ZNF804A: variants seen among roughly 807,000 people sequenced by gnomAD.
ZNF804A encodes zinc finger protein 804A.
Under a neutral mutation model 16.5 loss-of-function variants are expected in ZNF804A, and 2 were observed. The ratio of observed to expected loss-of-function variants is 0.12; its 90% CI spans 0.05 to 0.38. The LOEUF (loss-of-function observed/expected upper bound fraction) is 0.38, where lower values mean the gene tolerates loss of function less well. ZNF804A is among the 10% of genes least tolerant of loss of function. ZNF804A has a pLI of 0.99. For synonymous variants in ZNF804A, 534 were observed against 489.6 expected, an observed-to-expected ratio of 1.09 and a Z score of -1.20; for missense variants, 1,473 against 1,390.7, an observed-to-expected ratio of 1.06 and a Z score of -0.94.
intron 2 of ZNF804A, among the ~76,000 whole-genome samples, chr2:184,912,197 T>G (rs1685369090): frequency 6.6e-6 from 1 of 152,078 alleles, no homozygotes; most frequent in Admixed American, 6.6e-5. Flanking sequence ...TTTTTCTGTC[T>G]CTATTGATTT....
At chr2:184,718,610 G>A (rs967457675) in intron 1 of ZNF804A, among the ~76,000 whole-genome samples, 4 of 152,256 alleles carry the variant, frequency 2.6e-5, no homozygotes, top group African/African-American at 9.6e-5. Flanking sequence ...AAACAAAGGT[G>A]CTACAGGCTC....
At chr2:184,651,927 A>G (rs1185044358) in intron 1 of ZNF804A, among the ~76,000 whole-genome samples, 2 of 152,174 alleles carry the variant, frequency 1.3e-5, no homozygotes, top group East Asian at 1.9e-4. Flanking sequence ...CGACTCAGCA[A>G]TCTCATTACT....
chr2:184,619,665 A>G (rs540543371), intron 1 of ZNF804A, among the ~76,000 whole-genome samples: 1 of 151,994 alleles, frequency 6.6e-6, no homozygotes, highest in Non-Finnish European at 1.5e-5. Flanking sequence ...CATTTTATGG[A>G]TGAAAAACTC....
intron 2 of ZNF804A, among the ~76,000 whole-genome samples, chr2:184,922,980 C>G (rs921480977): frequency 2.0e-5 from 3 of 151,994 alleles, no homozygotes; most frequent in Non-Finnish European, 4.4e-5. Context: ...TAATTTAAGC[C>G]AAGTAATGTG....
In ZNF804A at chr2:184,746,050, AT is replaced by A. The variant is rs900963164; in HGVS notation, c.112-120311del. Among the ~76,000 whole-genome samples the A allele has an allele frequency of 2.6e-4, 39 of 151,366 alleles. 1 individual carries two copies. The East Asian group carries it at 2.9e-3, about 11-fold the overall frequency. ...AAGGATCATGAATCAAAAAGCACGC[AT>A]TTTTTTTCACATTTTTCCAATCTTT... On this transcript the variant is annotated intron_variant, in intron 1 of 3. Transcript: ENST00000302277.
chr2:184,916,888 GA>G (rs928106907), intron 2 of ZNF804A, among the ~76,000 whole-genome samples: 17 of 149,794 alleles, frequency 1.1e-4, no homozygotes, highest in East Asian at 9.8e-4. Flanking sequence ...AACAGAAAAA[GA>G]AAAAAAAATG....
At chr2:184,827,641 C>G (rs1466042764) in intron 1 of ZNF804A, among the ~76,000 whole-genome samples, 1 of 151,018 alleles carries the variant, frequency 6.6e-6, no homozygotes, top group Non-Finnish European at 1.5e-5. Context: ...TTTGCATGTT[C>G]TAGATGTTCA....
intron 1 of ZNF804A, among the ~76,000 whole-genome samples, chr2:184,756,204 C>T (rs1000699136): frequency 6.6e-6 from 1 of 151,540 alleles, no homozygotes; most frequent in Non-Finnish European, 1.5e-5. Flanking sequence ...GGTGTGTTCT[C>T]ATTATTTAAA....
At chr2:184,762,432 A>T (rs936824286) in intron 1 of ZNF804A, among the ~76,000 whole-genome samples, 1 of 151,964 alleles carries the variant, frequency 6.6e-6, no homozygotes, top group Non-Finnish European at 1.5e-5. Flanking sequence ...TCTTTCAAGA[A>T]GAATTATGTA....
At chr2:184,856,583 A>G (rs1442854316) in intron 1 of ZNF804A, among the ~76,000 whole-genome samples, 1 of 152,096 alleles carries the variant, frequency 6.6e-6, no homozygotes, top group African/African-American at 2.4e-5. Flanking sequence ...ATGATTGTTT[A>G]TCAGTTGCGT....
intron 1 of ZNF804A, among the ~76,000 whole-genome samples, chr2:184,751,552 G>A (rs13410453): frequency 7.3e-5 from 11 of 151,084 alleles, no homozygotes; most frequent in African/African-American, 2.4e-4. Flanking sequence ...TACATTCAAA[G>A]GAAACACTAT....
intron 1 of ZNF804A, among the ~76,000 whole-genome samples, chr2:184,607,709 T>A (rs1394648741): frequency 6.6e-6 from 1 of 152,126 alleles, no homozygotes; most frequent in Non-Finnish European, 1.5e-5. Context: ...TTATACTTTG[T>A]TAGCCTGAAT....
At chr2:184,662,209 A>G (rs1395859027) in intron 1 of ZNF804A, among the ~76,000 whole-genome samples, 1 of 152,228 alleles carries the variant, frequency 6.6e-6, no homozygotes, top group Non-Finnish European at 1.5e-5. Flanking sequence ...AAATAGCAAC[A>G]TTACCTGTTG....
chr2:184,927,644 G>A (rs1685631401), intron 2 of ZNF804A, among the ~76,000 whole-genome samples: 1 of 152,152 alleles, frequency 6.6e-6, no homozygotes. Context: ...AACTTTAGAA[G>A]TCTACCTGGT....
chr2:184,799,993 T>C (rs1279492945), intron 1 of ZNF804A, among the ~76,000 whole-genome samples: 2 of 152,194 alleles, frequency 1.3e-5, no homozygotes, highest in Non-Finnish European at 2.9e-5. Flanking sequence ...ATGATCTATT[T>C]TTTTTCTTTT....
intron 1 of ZNF804A, among the ~76,000 whole-genome samples, chr2:184,676,973 G>A (rs1692446888): frequency 6.6e-6 from 1 of 151,688 alleles, no homozygotes; most frequent in Non-Finnish European, 1.5e-5. Flanking sequence ...TTGTTTGAAA[G>A]TATTATTCAG....
intron 1 of ZNF804A, among the ~76,000 whole-genome samples, chr2:184,799,899 G>A (rs2105782289): frequency 6.6e-6 from 1 of 152,180 alleles, no homozygotes; most frequent in South Asian, 2.1e-4. Flanking sequence ...ACTATCAATT[G>A]CCTTAAGTGT....
chr2:184,658,673 C>A (rs1378113055), intron 1 of ZNF804A, among the ~76,000 whole-genome samples: 1 of 152,104 alleles, frequency 6.6e-6, no homozygotes, highest in Non-Finnish European at 1.5e-5. Flanking sequence ...TGGCTGCTTC[C>A]AAGTTCACAC....
At chr2:184,688,368 G>GTA (rs1373635466) in intron 1 of ZNF804A, among the ~76,000 whole-genome samples, 26 of 151,508 alleles carry the variant, frequency 1.7e-4, no homozygotes, top group Non-Finnish European at 3.4e-4. Flanking sequence ...GTGTGTGTGT[G>GTA]TGTACGTGTG....
Sources: allele counts gnomAD v4.1 joint callset (sites outside exome capture counted in the v4.1 genomes callset), GRCh38; gene constraint gnomAD v4.1.1; transcripts MANE v1.5; gene names NCBI Gene and HGNC (gene_info 2026-07-23, HGNC 2026-07-21).